Variants in CNDP1 observed in about 807,000 individuals in gnomAD.
CNDP1 encodes the protein beta-Ala-His dipeptidase.
In CNDP1, 44 loss-of-function variants were observed where a neutral mutation model predicts 58.1. The observed-to-expected ratio is 0.76, with a 90% CI of 0.60 to 0.97. The LOEUF (loss-of-function observed/expected upper bound fraction) is 0.97, where lower values mean the gene tolerates loss of function less well. Ranked by LOEUF, CNDP1 falls within the 50% of genes least tolerant of loss-of-function variation. The probability of loss-of-function intolerance (pLI) is 0.00; values close to 1 mark genes in which losing one functional copy is unlikely to be tolerated. For synonymous variants in CNDP1, 254 were observed against 252.6 expected, an observed-to-expected ratio of 1.01 and a Z score of -0.05; for missense variants, 616 against 655.1, an observed-to-expected ratio of 0.94 and a Z score of 0.65.
At chr18:74,535,503 C>T (rs1460783879) in intron 1 of CNDP1, among the ~76,000 whole-genome samples, 1 of 151,422 alleles carries the variant, frequency 6.6e-6, no homozygotes, top group Non-Finnish European at 1.5e-5. Context: ...CCATGAGATT[C>T]CCACACCATG....
rs999073701 is a variant in CNDP1 at position 74,585,258 on chromosome 18, G to A, written c.*696G>A. The A allele has an allele frequency of 2.0e-5, 3 of 151,698 alleles. No individual in the cohort carries two copies. The highest frequency in any genetic ancestry group is 6.6e-5 in the Admixed American group (1 of 15,232). The allele number at this position is 151,698 out of a possible 1,614,324, so 9.4% of individuals were successfully genotyped here. On this transcript the variant is annotated 3_prime_UTR_variant, in exon 12 of 12. Coordinates refer to ENST00000358821, the MANE Select transcript of CNDP1 (RefSeq NM_032649.6). ...TCGATGCCACCTTGTCAGCTTCTCT[G>A]CCTCCCGTTCCTTCTTCCTGTCCCA... is the stretch of plus-strand genomic sequence containing the variant.
rs185063489 is a variant in CNDP1 at position 74,539,438 on chromosome 18, A to T, written c.24+4747A>T. Reference sequence around the variant, plus strand: ...TTTCCCAGCTCCCGGAGGCTTCCTCATCTCTCATCCCCAGTGCCAGCAAAT... The same window carrying T: ...TTTCCCAGCTCCCGGAGGCTTCCTCTTCTCTCATCCCCAGTGCCAGCAAAT... On this transcript the variant is annotated intron_variant, in intron 1 of 11. Coordinates refer to ENST00000358821, the MANE Select transcript of CNDP1 (RefSeq NM_032649.6). Among the ~76,000 whole-genome samples, 3 of 152,272 alleles carry T rather than the reference A, an allele frequency of 2.0e-5. No individual in the cohort carries two copies. The South Asian group carries it at 6.2e-4, about 32-fold the overall frequency.
intron 4 of CNDP1, 21 bp downstream of exon 4, chr18:74,561,039 A>T: frequency 1.2e-6 from 2 of 1,607,408 alleles, no homozygotes; most frequent in South Asian, 2.2e-5. Context: ...CGCCCGGGCT[A>T]CAGTGCGGTG....
chr18:74,551,636 G>C (rs957855975), intron 1 of CNDP1, among the ~76,000 whole-genome samples: 9 of 152,152 alleles, frequency 5.9e-5, no homozygotes, highest in Non-Finnish European at 1.2e-4. Context: ...CCACTGTCAG[G>C]TCAGGGCATC....
chr18:74,571,233 C>A lies in CNDP1; in HGVS notation c.804C>A (p.Ile268=), dbSNP rs1209688633. 4.3e-6 allele frequency: 7 copies of A among 1,613,428 alleles called. No individual in the cohort carries two copies. Among genetic ancestry groups the A allele is most frequent in the Non-Finnish European group, 5.9e-6 (7 of 1,179,484 alleles). Residue 268 remains isoleucine, a synonymous_variant, in exon 7 of 12, where the codon ATC becomes ATA. Transcript: ENST00000358821. ...TTCACTCAGGAACCTTTGGTGGCAT[C>A]CTTCATGAACCAATGGCTGATCTGG... ...QDFHSGTFGG[I]LHEPMADLVA...
At position 74,585,621 on chromosome 18, in the gene CNDP1, G is replaced by A. The variant is rs1243370631; in HGVS notation, c.*1059G>A. 1 of 152,098 alleles carries A rather than the reference G, an allele frequency of 6.6e-6. No homozygotes were observed. The highest frequency in any genetic ancestry group is 2.4e-5 in the African/African-American group (1 of 41,416). The allele number at this position is 152,098 out of a possible 1,614,324, so 9.4% of individuals were successfully genotyped here. A position where few individuals can be genotyped will look rare whatever the true frequency, so the allele number is the denominator to read the frequency against. On this transcript the variant is annotated 3_prime_UTR_variant, in exon 12 of 12. Coordinates refer to ENST00000358821, the MANE Select transcript of CNDP1 (RefSeq NM_032649.6). Reference sequence around the variant, plus strand: ...GTATATAAACAAAATCAATCTTTATGAATTTATTATTTAAATCACATTAAT... The same window carrying A: ...GTATATAAACAAAATCAATCTTTATAAATTTATTATTTAAATCACATTAAT...
chr18:74,562,143 G>A lies in CNDP1; in HGVS notation c.555+8G>A. 1 of 1,613,682 alleles carries A rather than the reference G, an allele frequency of 6.2e-7. No homozygotes were observed. Among genetic ancestry groups the A allele is most frequent in the Non-Finnish European group, 8.5e-7 (1 of 1,179,620 alleles). ...TTCAGAGCCCTGGAGCAAGTAGGTG[G>A]CAGCTGTGTTTGGGAGAGAGGAGGA... On this transcript the variant is annotated splice_region_variant and intron_variant, in intron 5 of 11. Coordinates refer to ENST00000358821, the MANE Select transcript of CNDP1 (RefSeq NM_032649.6).
At chr18:74,570,234 T>TAATAATAAAAAA (rs1568298355) in intron 6 of CNDP1, among the ~76,000 whole-genome samples, 1 of 83,820 alleles carries the variant, frequency 1.2e-5, no homozygotes, top group African/African-American at 5.1e-5. Context: ...ATAATAATAA[T>TAATAATAAAAAA]AAATAATTAA....
intron 7 of CNDP1, among the ~76,000 whole-genome samples, chr18:74,575,061 GAAGA>G (rs899811740): frequency 2.4e-5 from 3 of 123,784 alleles, no homozygotes; most frequent in African/African-American, 6.3e-5. Flanking sequence ...AGAAAGGAAA[GAAGA>G]AAGAAGGAAG....
At chr18:74,550,623 C>G (rs1203294103) in intron 1 of CNDP1, among the ~76,000 whole-genome samples, 1 of 149,910 alleles carries the variant, frequency 6.7e-6, no homozygotes, top group Non-Finnish European at 1.5e-5. Flanking sequence ...GTCACCCAGG[C>G]TGGAGTGCAG....
intron 6 of CNDP1, among the ~76,000 whole-genome samples, chr18:74,569,938 C>T (rs907820676): frequency 6.6e-6 from 1 of 151,246 alleles, no homozygotes; most frequent in African/African-American, 2.4e-5. Context: ...GTAATCCTAG[C>T]ACTTTGCGAG....
intron 3 of CNDP1, among the ~76,000 whole-genome samples, chr18:74,560,516 G>A (rs1981162072): frequency 1.3e-5 from 2 of 152,006 alleles, no homozygotes; most frequent in African/African-American, 4.8e-5. Context: ...GGTCAGCCTG[G>A]GCAACATGGC....
rs557685343 is a variant in CNDP1 at position 74,584,770 on chromosome 18, C to T, written c.*208C>T. The T allele has an allele frequency of 5.5e-5, 29 of 527,284 alleles. No individual in the cohort carries two copies. Among genetic ancestry groups the T allele is most frequent in the Non-Finnish European group, 9.5e-5 (28 of 294,632 alleles). 32.7% of individuals were successfully genotyped at this position (527,284 alleles called of 1,614,324 possible). On this transcript the variant is annotated 3_prime_UTR_variant, in exon 12 of 12. Transcript: ENST00000358821. Reference sequence around the variant, plus strand: ...AAATGGTTTAAGGTCCCCCACTGCACACCTTCCTCAAGTCATAGCTGCTTG... The same window carrying T: ...AAATGGTTTAAGGTCCCCCACTGCATACCTTCCTCAAGTCATAGCTGCTTG...
At chr18:74,562,259 G>A in intron 5 of CNDP1, 124 bp downstream of exon 5, 1 of 809,530 alleles carries the variant, frequency 1.2e-6, no homozygotes, top group Non-Finnish European at 2.1e-6. Flanking sequence ...AATCTTTGGA[G>A]GTGTGTGCGA....
Position 74,534,614 on chromosome 18 carries a change from G to A in CNDP1, c.-54G>A. ...TTGGGGCTTTCATGGGACTCCCTCT[G>A]CCACATTTTTTGGAGGTTGGGAAAG... On this transcript the variant is annotated 5_prime_UTR_variant, in exon 1 of 12. Transcript: ENST00000358821. 1.6e-5 allele frequency: 25 copies of A among 1,604,842 alleles called. No individual in the cohort carries two copies. The highest frequency in any genetic ancestry group is 2.1e-5 in the Non-Finnish European group (25 of 1,171,748).
At chr18:74,551,220 C>A (rs1225078952) in intron 1 of CNDP1, among the ~76,000 whole-genome samples, 1 of 152,054 alleles carries the variant, frequency 6.6e-6, no homozygotes, top group Non-Finnish European at 1.5e-5. Context: ...ATGCTGGCAC[C>A]ATGCTTCCTG....
intron 1 of CNDP1, among the ~76,000 whole-genome samples, chr18:74,549,357 T>C (rs62099909): frequency 0.17 from 26,544 of 152,246 alleles, 2,550 homozygotes; most frequent in Middle Eastern, 0.25. Context: ...CTGAAATAGA[T>C]GTTCTGATGA....
At position 74,584,566 on chromosome 18, in the gene CNDP1, C is replaced by T. The variant is rs1488564442; in HGVS notation, c.*4C>T. On this transcript the variant is annotated 3_prime_UTR_variant, in exon 12 of 12. Coordinates refer to ENST00000358821, the MANE Select transcript of CNDP1 (RefSeq NM_032649.6). ...AGAGATGGCCCAGCTCCATTAATCACAAGAACCTTCTAGTCTGATCTGATC... is the reference window on the plus strand; with the variant it reads ...AGAGATGGCCCAGCTCCATTAATCATAAGAACCTTCTAGTCTGATCTGATC... 4 of 1,611,084 alleles carry T rather than the reference C, an allele frequency of 2.5e-6. No individual in the cohort carries two copies. Among genetic ancestry groups the T allele is most frequent in the Non-Finnish European group, 2.5e-6 (3 of 1,177,250 alleles).
chr18:74,579,118 C>G (rs1260464087), intron 9 of CNDP1, among the ~76,000 whole-genome samples: 1 of 149,436 alleles, frequency 6.7e-6, no homozygotes, highest in Non-Finnish European at 1.5e-5. Context: ...TTCCCTCCCT[C>G]CTTCCTTCCT....
Sources: allele counts gnomAD v4.1 joint callset (sites outside exome capture counted in the v4.1 genomes callset), GRCh38; gene constraint gnomAD v4.1.1; transcripts MANE v1.5; gene names NCBI Gene and HGNC (gene_info 2026-07-23, HGNC 2026-07-21).